The following ZNF521 variants were observed in gnomAD, a reference collection of about 807,000 sequenced individuals.
ZNF521 encodes the protein LYST-interacting protein 3.
ZNF521 carries 14 observed loss-of-function variants against 105.5 expected under a neutral mutation model. The ratio of observed to expected loss-of-function variants is 0.13; its 90% CI spans 0.09 to 0.21. The LOEUF (loss-of-function observed/expected upper bound fraction) is 0.21. Among genes scored for constraint, ZNF521 ranks in the 10% least tolerant of loss-of-function variants. The pLI, the probability that ZNF521 is intolerant of heterozygous loss-of-function variation, is 1.00. For missense variants in ZNF521, 1,233 were observed against 1,629.7 expected (o/e 0.76, Z 4.19); for synonymous variants, 635 against 606.0 (o/e 1.05, Z -0.70).
rs375757626 is a variant in ZNF521 at position 25,340,181 on chromosome 18, C to T, written c.40+10726G>A. Among the ~76,000 whole-genome samples the T allele has an allele frequency of 1.5e-4, 23 of 152,138 alleles. No individual in the cohort carries two copies. In the East Asian group the frequency reaches 3.3e-3, roughly 22 times the overall value. ...ACCAGCCTAGCCAACATGATGAAAC[C>T]CTGTCTCTACTAAAAATACAAAAAT... On this transcript the variant is annotated intron_variant, in intron 2 of 7. Transcript: ENST00000361524.
chr18:25,182,115 T>C (rs1009810249), intron 5 of ZNF521, among the ~76,000 whole-genome samples: 3 of 152,186 alleles, frequency 2.0e-5, no homozygotes, highest in Admixed American at 6.6e-5. Flanking sequence ...AAGAATGATA[T>C]GCTCTTTGGA....
intron 2 of ZNF521, chr18:25,327,604 G>T: frequency 1.8e-6 from 1 of 553,272 alleles, no homozygotes; most frequent in Non-Finnish European, 3.4e-6. Context: ...TTAACAAGAA[G>T]TAGAAAGCCT....
chr18:25,268,971 A>G (rs904425387), intron 3 of ZNF521, among the ~76,000 whole-genome samples: 1 of 152,194 alleles, frequency 6.6e-6, no homozygotes, highest in East Asian at 1.9e-4. Flanking sequence ...CCCAATTAAA[A>G]GACACAGACT....
At chr18:25,185,988 A>C (rs569147157) in intron 5 of ZNF521, among the ~76,000 whole-genome samples, 85 of 152,344 alleles carry the variant, frequency 5.6e-4, no homozygotes, top group African/African-American at 1.8e-3. Context: ...TATCCCTCAT[A>C]AAATGAACTG....
At chr18:25,109,401 G>C (rs1216982848) in intron 5 of ZNF521, among the ~76,000 whole-genome samples, 1 of 152,178 alleles carries the variant, frequency 6.6e-6, no homozygotes, top group East Asian at 1.9e-4. Flanking sequence ...ACTGTGACTA[G>C]TGCTGCAATA....
In ZNF521 at chr18:25,067,193, TA is replaced by T. The variant is rs538849617; in HGVS notation, c.3907-4453del. The stretch of plus-strand genomic sequence containing the variant: ...TGTTTTACACGAGGGGGGTTTGTGT[TA>T]AAAAAAAATCAAATCCACAACATAC... On this transcript the variant is annotated intron_variant, in intron 7 of 7. Transcript: ENST00000361524. 4.2e-3 allele frequency among the ~76,000 whole-genome samples: 639 copies of T among 151,586 alleles called. 6 individuals are homozygous for T. Among genetic ancestry groups the T allele is most frequent in the African/African-American group, 0.015 (603 of 41,296 alleles).
At chr18:25,098,983 T>A (rs2033909963) in intron 5 of ZNF521, among the ~76,000 whole-genome samples, 1 of 152,152 alleles carries the variant, frequency 6.6e-6, no homozygotes, top group Non-Finnish European at 1.5e-5. Flanking sequence ...CATTTCAGTT[T>A]TTGCCTTGCC....
At chr18:25,298,273 T>C (rs1319290944) in intron 3 of ZNF521, among the ~76,000 whole-genome samples, 2 of 152,202 alleles carry the variant, frequency 1.3e-5, no homozygotes, top group East Asian at 3.8e-4. Context: ...CTAAATGATG[T>C]CTTAGTCAAA....
intron 2 of ZNF521, among the ~76,000 whole-genome samples, chr18:25,335,232 T>C (rs1429456263): frequency 6.6e-6 from 1 of 152,190 alleles, no homozygotes; most frequent in Non-Finnish European, 1.5e-5. Context: ...TGTATAGCCA[T>C]GAAAGGTAGT....
intron 5 of ZNF521, among the ~76,000 whole-genome samples, chr18:25,126,622 C>T (rs1445040277): frequency 2.6e-5 from 4 of 151,996 alleles, no homozygotes; most frequent in Admixed American, 1.3e-4. Context: ...GAATAGGAGC[C>T]ACATACAACC....
At chr18:25,063,682 G>A (rs145720439) in intron 7 of ZNF521, among the ~76,000 whole-genome samples, 1 of 152,100 alleles carries the variant, frequency 6.6e-6, no homozygotes, top group Admixed American at 6.5e-5. Context: ...AACCTGGTTC[G>A]CCAGGAACCA....
chr18:25,124,869 G>A (rs905263458), intron 5 of ZNF521, among the ~76,000 whole-genome samples: 1 of 152,268 alleles, frequency 6.6e-6, no homozygotes, highest in African/African-American at 2.4e-5. Flanking sequence ...ATGTGCAAAT[G>A]TTTTGAGCTA....
In ZNF521 at chr18:25,225,672, T is replaced by C; in HGVS notation, c.2246A>G (p.Lys749Arg). 1 of 1,614,196 alleles carries C rather than the reference T, an allele frequency of 6.2e-7. No homozygotes were observed. Among genetic ancestry groups the C allele is most frequent in the Non-Finnish European group, 8.5e-7 (1 of 1,180,026 alleles). The stretch of plus-strand genomic sequence containing the variant: ...GCAAGATGTGCACCTATAGACTTTC[T>C]TTTCGTTACTGTGCTTCACAGCCAA... ...LHLAVKHSNE[K>R]KVYRCTSCNW... The change falls in exon 4 of 8, where the codon AAG becomes AGG. Residue 749 changes from lysine (K) to arginine (R), a missense_variant. Physicochemically the swap from Lys to Arg is conservative, Grantham distance 26. Transcript: ENST00000361524. The surrounding 1 kb of genome is among the most constrained non-coding windows in gnomAD (Gnocchi z 5.6).
intron 2 of ZNF521, among the ~76,000 whole-genome samples, chr18:25,325,522 T>A (rs898379539): frequency 1.4e-4 from 21 of 152,342 alleles, no homozygotes; most frequent in African/African-American, 5.1e-4. Flanking sequence ...AACTCCATTG[T>A]TGTGCTATAA....
chr18:25,327,425 G>T (rs1600312358), intron 2 of ZNF521: 1 of 1,159,632 alleles, frequency 8.6e-7, no homozygotes, highest in South Asian at 1.8e-5. Flanking sequence ...TCTAGGTTTC[G>T]TGACATATTT....
rs1027679322 is a variant in ZNF521 at position 25,135,341 on chromosome 18, T to C, written c.3659-43260A>G. ...CTTTGTTTTGTTTTAATGCAACTCCTTGAGGCTACTGCCCAGAAATCCAAC... is the reference window on the plus strand; with the variant it reads ...CTTTGTTTTGTTTTAATGCAACTCCCTGAGGCTACTGCCCAGAAATCCAAC... On this transcript the variant is annotated intron_variant, in intron 5 of 7. Transcript: ENST00000361524. 2.6e-5 allele frequency among the ~76,000 whole-genome samples: 4 copies of C among 151,460 alleles called. No homozygotes were observed. In the South Asian group the frequency reaches 6.3e-4, roughly 24 times the overall value.
At chr18:25,298,704 A>G (rs1394798044) in intron 3 of ZNF521, among the ~76,000 whole-genome samples, 1 of 152,186 alleles carries the variant, frequency 6.6e-6, no homozygotes, top group African/African-American at 2.4e-5. Flanking sequence ...TACTTTCAGC[A>G]ACAATAATCA....
chr18:25,265,889 C>T (rs1485673794), intron 3 of ZNF521, among the ~76,000 whole-genome samples: 1 of 152,152 alleles, frequency 6.6e-6, no homozygotes, highest in African/African-American at 2.4e-5. Context: ...TTTGCAACAA[C>T]ATGGATGGAA....
intron 3 of ZNF521, among the ~76,000 whole-genome samples, chr18:25,243,254 T>C (rs1004470433): frequency 6.6e-6 from 1 of 152,212 alleles, no homozygotes; most frequent in African/African-American, 2.4e-5. Flanking sequence ...CCTTGTCCTT[T>C]TGTTAGCTTA....
Sources: allele counts gnomAD v4.1 joint callset (sites outside exome capture counted in the v4.1 genomes callset), GRCh38; gene constraint gnomAD v4.1.1; non-coding constraint Gnocchi (gnomAD v3.1); transcripts MANE v1.5; gene names NCBI Gene and HGNC (gene_info 2026-07-23, HGNC 2026-07-21).